The following SPAG9 variants were observed in gnomAD, a reference collection of about 807,000 sequenced individuals.
SPAG9 encodes C-Jun-amino-terminal kinase-interacting protein 4.
A neutral mutation model predicts 166.5 loss-of-function variants in SPAG9; 35 were observed. The observed-to-expected ratio is 0.21, with a 90% CI of 0.16 to 0.28. The LOEUF (loss-of-function observed/expected upper bound fraction) is 0.28, where lower values mean the gene tolerates loss of function less well. Ranked by LOEUF, SPAG9 falls within the 10% of genes least tolerant of loss-of-function variation. The pLI, the probability that SPAG9 is intolerant of heterozygous loss-of-function variation, is 1.00. For missense variants in SPAG9, 1,235 were observed against 1,603.3 expected, an observed-to-expected ratio of 0.77 and a Z score of 3.92; for synonymous variants, 534 against 565.5, an observed-to-expected ratio of 0.94 and a Z score of 0.79.
intron 16 of SPAG9, 140 bp from the exon 17 acceptor site, chr17:50,995,673 T>A: frequency 1.6e-6 from 1 of 636,010 alleles, no homozygotes; most frequent in Non-Finnish European, 2.7e-6. Context: ...TTTGTTTTTT[T>A]GTTTTTTTGA....
At chr17:50,991,433 TATAAAA>T (rs1333124159) in intron 19 of SPAG9, among the ~76,000 whole-genome samples, 24 of 151,990 alleles carry the variant, frequency 1.6e-4, no homozygotes, top group Admixed American at 1.6e-3. Flanking sequence ...ATATTTACAA[TATAAAA>T]ATAAATCTCA....
chr17:51,015,014 CAT>C lies in SPAG9; in HGVS notation c.1092-663_1092-662del, dbSNP rs139346829. On this transcript the variant is annotated intron_variant, in intron 8 of 29. Transcript: ENST00000262013. The stretch of plus-strand genomic sequence containing the variant: ...TTCCAGCTAAATATGGTGGAGAGAA[CAT>C]AGTCATTTATCACCTAATAACTCAG... Among the ~76,000 whole-genome samples the C allele has an allele frequency of 1.1e-3, 174 of 151,922 alleles. 1 individual carries two copies. The highest frequency in any genetic ancestry group is 4.0e-3 in the African/African-American group (165 of 41,440).
chr17:51,112,692 A>AC (rs1373181438), intron 1 of SPAG9, among the ~76,000 whole-genome samples: 1 of 146,362 alleles, frequency 6.8e-6, no homozygotes, highest in Non-Finnish European at 1.5e-5. Flanking sequence ...AAAAAAAAAA[A>AC]AAAAAAACTT....
chr17:51,018,833 A>C (rs1399749183), intron 8 of SPAG9, among the ~76,000 whole-genome samples: 4 of 152,152 alleles, frequency 2.6e-5, no homozygotes, highest in Non-Finnish European at 1.5e-5. Context: ...CACCGCTGCC[A>C]GCCCTGCCAT....
At chr17:51,099,884 G>T (rs1217469599) in intron 1 of SPAG9, among the ~76,000 whole-genome samples, 2 of 150,820 alleles carry the variant, frequency 1.3e-5, no homozygotes, top group Non-Finnish European at 2.9e-5. Context: ...TGGATCACCT[G>T]AAGTCAGGAC....
At chr17:51,031,400 A>G (rs2046379106) in intron 6 of SPAG9, 2 of 446,464 alleles carry the variant, frequency 4.5e-6, no homozygotes, top group Admixed American at 7.1e-5. Context: ...ACCATTACAT[A>G]GAGCTGGATA....
chr17:51,037,937 A>G (rs1231511585), intron 5 of SPAG9, among the ~76,000 whole-genome samples: 1 of 151,856 alleles, frequency 6.6e-6, no homozygotes, highest in Non-Finnish European at 1.5e-5. Context: ...CTTTTTATCA[A>G]TTTCACTAGA....
At position 51,047,049 on chromosome 17, in the gene SPAG9, TCAAAC is replaced by T. The variant is rs2144453194; in HGVS notation, c.590+321_590+325del. On this transcript the variant is annotated intron_variant, in intron 4 of 29. Coordinates refer to ENST00000262013, the MANE Select transcript of SPAG9 (RefSeq NM_001130528.3). ...ATGCCTCTCTGTAACAAAAAGGACTTCAAACCAATTACACGGGAGAAATAAAATAT... is the reference window on the plus strand; with the variant it reads ...ATGCCTCTCTGTAACAAAAAGGACTTCAATTACACGGGAGAAATAAAATAT... 4 of 506,640 alleles carry T rather than the reference TCAAAC, an allele frequency of 7.9e-6. No homozygotes were observed. The South Asian group carries it at 3.4e-4, about 43-fold the overall frequency. 31.4% of individuals were successfully genotyped at this position (506,640 alleles called of 1,614,324 possible). A position where few individuals can be genotyped will look rare whatever the true frequency, so the allele number is the denominator to read the frequency against.
intron 2 of SPAG9, among the ~76,000 whole-genome samples, chr17:51,068,329 TTA>T (rs551762021): frequency 2.2e-4 from 33 of 152,312 alleles, no homozygotes; most frequent in African/African-American, 7.5e-4. Context: ...TTTTCAGATA[TTA>T]TATGTTATTA....
intron 6 of SPAG9, among the ~76,000 whole-genome samples, chr17:51,030,193 A>T (rs1420564968): frequency 6.6e-6 from 1 of 152,218 alleles, no homozygotes; most frequent in African/African-American, 2.4e-5. Context: ...ATTATCTGGC[A>T]TTGCAGCATA....
intron 25 of SPAG9, 50 bp from the exon 26 acceptor site, chr17:50,979,967 A>G (rs376636526): frequency 1.5e-4 from 237 of 1,574,676 alleles, no homozygotes; most frequent in Non-Finnish European, 2.0e-4. Flanking sequence ...ATAGAATTTC[A>G]TATTTAAAAC....
chr17:51,098,395 C>A (rs930046121), intron 1 of SPAG9, among the ~76,000 whole-genome samples: 1 of 142,354 alleles, frequency 7.0e-6, no homozygotes. Context: ...TAATCACAAA[C>A]ACCCTGAGTG....
chr17:51,039,154 T>A (rs146191113), intron 5 of SPAG9, among the ~76,000 whole-genome samples: 1 of 152,362 alleles, frequency 6.6e-6, no homozygotes, highest in East Asian at 1.9e-4. Context: ...ACACTAACAT[T>A]AATTATAAAT....
At chr17:51,013,895 TACACATACACACACACAC>T (rs1456874623) in intron 9 of SPAG9, among the ~76,000 whole-genome samples, 4 of 53,468 alleles carry the variant, frequency 7.5e-5, no homozygotes, top group Admixed American at 5.3e-4. Context: ...CACACACACA[TACACATACACACACACAC>T]ACACATACAC....
intron 2 of SPAG9, among the ~76,000 whole-genome samples, chr17:51,063,968 C>CA: frequency 6.6e-6 from 1 of 151,850 alleles, no homozygotes; most frequent in African/African-American, 2.4e-5. Context: ...TAAAAGCAGA[C>CA]AAAAAATAAA....
At chr17:50,980,560 A>G (rs898058741) in intron 25 of SPAG9, among the ~76,000 whole-genome samples, 3 of 151,808 alleles carry the variant, frequency 2.0e-5, no homozygotes, top group African/African-American at 7.3e-5. Flanking sequence ...CTGTGTTGAA[A>G]TAAGATCACA....
chr17:51,107,930 G>A (rs1426739703), intron 1 of SPAG9, among the ~76,000 whole-genome samples: 4 of 151,336 alleles, frequency 2.6e-5, no homozygotes, highest in Non-Finnish European at 2.9e-5. Flanking sequence ...AAAAAAGGGA[G>A]GGGGGCAGTA....
In SPAG9 at chr17:51,056,668, C is replaced by T. The variant is rs147325299; in HGVS notation, c.425-186G>A. On this transcript the variant is annotated intron_variant, in intron 2 of 29. Coordinates refer to ENST00000262013, the MANE Select transcript of SPAG9 (RefSeq NM_001130528.3). Reference sequence around the variant, plus strand: ...TTAATAATGAAAACTTTCAGACGAGCGGAATACCTTAGATTGGTTCTCTAA... The same window carrying T: ...TTAATAATGAAAACTTTCAGACGAGTGGAATACCTTAGATTGGTTCTCTAA... 3.6e-3 allele frequency among the ~76,000 whole-genome samples: 544 copies of T among 152,178 alleles called. 4 individuals are homozygous for T. Among genetic ancestry groups the T allele is most frequent in the Middle Eastern group, 6.8e-3 (2 of 294 alleles).
chr17:51,005,478 G>A (rs1343809451), intron 11 of SPAG9, among the ~76,000 whole-genome samples: 3 of 152,220 alleles, frequency 2.0e-5, no homozygotes, highest in Admixed American at 6.5e-5. Context: ...AAAAAATAAT[G>A]TTTTAAATTT....
Sources: gnomAD v4.1 joint callset for allele counts (sites outside exome capture counted in the v4.1 genomes callset) on GRCh38, gnomAD v4.1.1 for gene constraint, MANE v1.5 for transcripts, NCBI Gene and HGNC (gene_info 2026-07-23, HGNC 2026-07-21) for gene names.